PPP3CC: variants seen among roughly 807,000 people sequenced by gnomAD.
PPP3CC encodes protein phosphatase 3 catalytic subunit gamma, also known as serine/threonine-protein phosphatase 2B catalytic subunit gamma isoform.
A neutral mutation model predicts 60.3 loss-of-function variants in PPP3CC; 35 were observed. The observed-to-expected ratio is 0.58, with a 90% confidence interval of 0.44 to 0.77. The LOEUF (loss-of-function observed/expected upper bound fraction) is 0.77, where lower values mean the gene tolerates loss of function less well. PPP3CC is among the 30% of genes least tolerant of loss of function. The pLI is 0.00. For synonymous variants in PPP3CC, 206 were observed against 224.3 expected, an observed-to-expected ratio of 0.92 and a Z score of 0.73; for missense variants, 570 against 628.9, an observed-to-expected ratio of 0.91 and a Z score of 1.00.
chr8:22,462,488 A>T (rs1227981219), intron 1 of PPP3CC, among the ~76,000 whole-genome samples: 2 of 152,064 alleles, frequency 1.3e-5, no homozygotes, highest in Non-Finnish European at 2.9e-5. Context: ...CTGTCGTTTG[A>T]TGGGTTGTGA....
chr8:22,513,249 T>A (rs1313808340), intron 5 of PPP3CC, 44 bp from the exon 6 acceptor site: 1 of 1,588,388 alleles, frequency 6.3e-7, no homozygotes, highest in Non-Finnish European at 8.6e-7. Context: ...AAGAAGCCTT[T>A]TGCTCTCCTG....
At chr8:22,446,977 G>C (rs1185734063) in intron 1 of PPP3CC, among the ~76,000 whole-genome samples, 7 of 151,858 alleles carry the variant, frequency 4.6e-5, no homozygotes, top group African/African-American at 1.7e-4. Context: ...CCATCCTTTG[G>C]TGCAATCATT....
chr8:22,453,762 ATT>A (rs1307639749), intron 1 of PPP3CC, among the ~76,000 whole-genome samples: 3 of 152,334 alleles, frequency 2.0e-5, no homozygotes, highest in African/African-American at 7.2e-5. Context: ...ATGTTACTCT[ATT>A]TAATACTGTA....
At chr8:22,504,212 T>C (rs1838845530) in intron 4 of PPP3CC, among the ~76,000 whole-genome samples, 1 of 152,238 alleles carries the variant, frequency 6.6e-6, no homozygotes, top group East Asian at 1.9e-4. Flanking sequence ...ATTTTTACTA[T>C]ATGTATACAA....
intron 4 of PPP3CC, among the ~76,000 whole-genome samples, chr8:22,499,319 G>A (rs200034249): frequency 6.7e-5 from 10 of 149,462 alleles, no homozygotes; most frequent in Admixed American, 6.7e-4. Context: ...GGCGCCTGTA[G>A]TCCCAGCTAC....
chr8:22,485,817 C>T (rs1238199749), intron 3 of PPP3CC, among the ~76,000 whole-genome samples: 1 of 152,092 alleles, frequency 6.6e-6, no homozygotes, highest in Non-Finnish European at 1.5e-5. Flanking sequence ...TATGAAAAAG[C>T]GAAATGTTAT....
At chr8:22,534,029 C>T (rs1260124618) in intron 12 of PPP3CC, among the ~76,000 whole-genome samples, 2 of 151,408 alleles carry the variant, frequency 1.3e-5, no homozygotes, top group South Asian at 2.1e-4. Flanking sequence ...CAAAACCCCA[C>T]CTCTACTAAA....
intron 4 of PPP3CC, among the ~76,000 whole-genome samples, chr8:22,505,758 G>A (rs765418003): frequency 5.9e-5 from 9 of 152,088 alleles, no homozygotes; most frequent in Non-Finnish European, 1.2e-4. Context: ...ATGCTGAATC[G>A]GACAAAAAGT....
intron 10 of PPP3CC, 141 bp from the exon 11 acceptor site, chr8:22,532,084 G>A (rs1839731137): frequency 7.6e-6 from 4 of 528,698 alleles, no homozygotes; most frequent in Non-Finnish European, 1.3e-5. Context: ...TGAGATTTTT[G>A]TTTGTTTAAA....
intron 2 of PPP3CC, 129 bp downstream of exon 2, chr8:22,475,280 T>C (rs1218918481): frequency 2.0e-6 from 2 of 992,870 alleles, no homozygotes; most frequent in East Asian, 5.1e-5. Context: ...ACAGTCAGGA[T>C]TGGTTAGGAT....
chr8:22,441,440 A>C lies in PPP3CC; in HGVS notation c.31A>C (p.Thr11Pro). The C allele has an allele frequency of 6.5e-7, 1 of 1,546,372 alleles. No individual in the cohort carries two copies. Among genetic ancestry groups the C allele is most frequent in the Non-Finnish European group, 8.7e-7 (1 of 1,146,106 alleles). The part of the protein sequence containing the change: MSGRRFHLST[T>P]DRVIKAVPFP... ...CGGGAGGCGCTTCCACCTCTCCACCACCGACCGCGTCATCAAAGGTGCCTG... is the reference window on the plus strand; with the variant it reads ...CGGGAGGCGCTTCCACCTCTCCACCCCCGACCGCGTCATCAAAGGTGCCTG... Residue 11 changes from threonine (T) to proline (P), a missense_variant, in exon 1 of 14, where the codon ACC becomes CCC. Thr to Pro is a conservative substitution (Grantham distance 38). Coordinates refer to ENST00000240139, the MANE Select transcript of PPP3CC (RefSeq NM_005605.5).
At chr8:22,528,957 A>C (rs1303204787) in intron 10 of PPP3CC, among the ~76,000 whole-genome samples, 1 of 152,168 alleles carries the variant, frequency 6.6e-6, no homozygotes, top group Non-Finnish European at 1.5e-5. Context: ...GTTTTTCCCA[A>C]GTTTTTGCCG....
chr8:22,481,898 T>G (rs965667593), intron 3 of PPP3CC, among the ~76,000 whole-genome samples: 6 of 152,166 alleles, frequency 3.9e-5, no homozygotes, highest in African/African-American at 1.4e-4. Flanking sequence ...TATTCCATGG[T>G]GTATATGTGC....
intron 12 of PPP3CC, among the ~76,000 whole-genome samples, chr8:22,534,305 C>T (rs1051864799): frequency 1.6e-4 from 24 of 151,812 alleles, no homozygotes; most frequent in Non-Finnish European, 3.4e-4. Flanking sequence ...ACCTGTTATC[C>T]CAGCACTTTG....
intron 4 of PPP3CC, among the ~76,000 whole-genome samples, chr8:22,504,167 A>G (rs1288460891): frequency 6.6e-6 from 1 of 152,122 alleles, no homozygotes; most frequent in Admixed American, 6.5e-5. Flanking sequence ...AAATTGATGT[A>G]TAATAGTTGT....
chr8:22,493,015 C>T lies in PPP3CC; in HGVS notation c.373-4986C>T, dbSNP rs565188346. 252 of 1,296,524 alleles carry T rather than the reference C, an allele frequency of 1.9e-4. 1 individual carries two copies. The highest frequency in any genetic ancestry group is 2.7e-4 in the Non-Finnish European group (244 of 897,774). The allele number at this position is 1,296,524 out of a possible 1,614,324, so 80.3% of individuals were successfully genotyped here. On this transcript the variant is annotated intron_variant, in intron 3 of 13. Coordinates refer to ENST00000240139, the MANE Select transcript of PPP3CC (RefSeq NM_005605.5). ...GTGAATGGAAAAGCACCACTTGCTA[C>T]TGGAGAGGATGACGATGAAGTTCCA...
chr8:22,445,304 C>A (rs1186423252), intron 1 of PPP3CC, among the ~76,000 whole-genome samples: 2 of 152,136 alleles, frequency 1.3e-5, no homozygotes, highest in African/African-American at 4.8e-5. Context: ...ACCTATACTT[C>A]ATTTCTTTCC....
chr8:22,480,666 A>G (rs924042404), intron 3 of PPP3CC, among the ~76,000 whole-genome samples: 2 of 152,072 alleles, frequency 1.3e-5, no homozygotes, highest in African/African-American at 4.8e-5. Context: ...TTTAATAGAG[A>G]TGGAGTTTCA....
At chr8:22,451,092 G>T (rs549072641) in intron 1 of PPP3CC, among the ~76,000 whole-genome samples, 169 of 150,328 alleles carry the variant, frequency 1.1e-3, no homozygotes, top group Non-Finnish European at 2.1e-3. Flanking sequence ...GCCCACCACG[G>T]CCTCCCAAAG....
Sources: gnomAD v4.1 joint callset for allele counts (sites outside exome capture counted in the v4.1 genomes callset) on GRCh38, gnomAD v4.1.1 for gene constraint, MANE v1.5 for transcripts, NCBI Gene and HGNC (gene_info 2026-07-23, HGNC 2026-07-21) for gene names.